Variants in RYR2 observed in about 807,000 individuals in gnomAD.
The protein encoded by RYR2 is cardiac muscle ryanodine receptor-calcium release channel.
RYR2 carries 227 observed loss-of-function variants against 601.1 expected under a neutral mutation model. The ratio of observed to expected loss-of-function variants is 0.38; its 90% confidence interval spans 0.34 to 0.42. The LOEUF is 0.42. Among genes scored for constraint, RYR2 ranks in the 10% least tolerant of loss-of-function variants. RYR2 has a pLI of 1.00. For missense variants in RYR2, 4,646 were observed against 6,156.5 expected (o/e 0.75, Z 8.21); for synonymous variants, 2,223 against 2,175.1 (o/e 1.02, Z -0.61).
At chr1:237,720,897 T>C (rs1689664233) in intron 73 of RYR2, among the ~76,000 whole-genome samples, 1 of 152,190 alleles carries the variant, frequency 6.6e-6, no homozygotes, top group Non-Finnish European at 1.5e-5. Context: ...GATGACGTAT[T>C]CAGGAGACAG....
intron 2 of RYR2, among the ~76,000 whole-genome samples, chr1:237,282,155 C>T (rs1386099204): frequency 1.3e-5 from 2 of 150,688 alleles, no homozygotes; most frequent in Non-Finnish European, 2.9e-5. Flanking sequence ...GAACACACTG[C>T]AGCAAATGAA....
At chr1:237,220,357 T>A (rs1683675332) in intron 1 of RYR2, among the ~76,000 whole-genome samples, 1 of 152,314 alleles carries the variant, frequency 6.6e-6, no homozygotes, top group African/African-American at 2.4e-5. Context: ...CCGGGACTTT[T>A]ACCAGTGGCC....
chr1:237,801,289 G>A lies in RYR2; in HGVS notation c.14091-567G>A, dbSNP rs544886209. ...TGCATGCATGTAATCCCAGCACTTC[G>A]GGAGGCCAAAGCGGACAGATCCCCT... On this transcript the variant is annotated intron_variant, in intron 97 of 104. Transcript: ENST00000366574. Among the ~76,000 whole-genome samples, 20 of 150,208 alleles carry A rather than the reference G, an allele frequency of 1.3e-4. No individual in the cohort carries two copies. The South Asian group carries it at 3.6e-3, about 27-fold the overall frequency.
chr1:237,552,904 A>G (rs1432558099), intron 27 of RYR2, among the ~76,000 whole-genome samples: 1 of 151,938 alleles, frequency 6.6e-6, no homozygotes, highest in Non-Finnish European at 1.5e-5. Flanking sequence ...CTTAGACTAA[A>G]TATTTAGGAG....
chr1:237,225,217 T>C (rs981566000), intron 1 of RYR2, among the ~76,000 whole-genome samples: 3 of 152,142 alleles, frequency 2.0e-5, no homozygotes, highest in Non-Finnish European at 4.4e-5. Flanking sequence ...AAGATTAAAA[T>C]ATCAAATTTA....
At chr1:237,214,506 A>G (rs569257030) in intron 1 of RYR2, among the ~76,000 whole-genome samples, 1 of 152,158 alleles carries the variant, frequency 6.6e-6, no homozygotes, top group African/African-American at 2.4e-5. Flanking sequence ...GCTCTTTAAC[A>G]GTCAGCTCTC....
chr1:237,545,123 G>A (rs754515104), intron 25 of RYR2, among the ~76,000 whole-genome samples: 36 of 152,160 alleles, frequency 2.4e-4, no homozygotes, highest in Non-Finnish European at 8.8e-5. Flanking sequence ...ACAAATTATT[G>A]GGCTACTTAA....
rs950537885 is a variant in RYR2 at position 237,782,635 on chromosome 1, C to T, written c.11962+989C>T. Among the ~76,000 whole-genome samples the T allele has an allele frequency of 2.0e-5, 3 of 152,066 alleles. No individual in the cohort carries two copies. In the South Asian group the frequency reaches 6.2e-4, roughly 31 times the overall value. ...CATTTTTCCATGCATGGCCCCGATTCGAATTTTGGGTTAAATACTAACAAA... is the reference window on the plus strand; with the variant it reads ...CATTTTTCCATGCATGGCCCCGATTTGAATTTTGGGTTAAATACTAACAAA... On this transcript the variant is annotated intron_variant, in intron 89 of 104. Transcript: ENST00000366574.
intron 3 of RYR2, among the ~76,000 whole-genome samples, chr1:237,341,867 T>A (rs1317349482): frequency 1.3e-5 from 2 of 152,176 alleles, no homozygotes; most frequent in Non-Finnish European, 2.9e-5. Flanking sequence ...AATAACCTTT[T>A]GGGTTCGGTA....
intron 16 of RYR2, among the ~76,000 whole-genome samples, chr1:237,461,712 ACT>A (rs1385032289): frequency 6.6e-6 from 1 of 151,966 alleles, no homozygotes; most frequent in Non-Finnish European, 1.5e-5. Flanking sequence ...AACTGAATGT[ACT>A]AATTACAGTT....
intron 13 of RYR2, among the ~76,000 whole-genome samples, chr1:237,444,301 A>G (rs1038119360): frequency 1.3e-5 from 2 of 152,164 alleles, no homozygotes; most frequent in African/African-American, 4.8e-5. Flanking sequence ...TTTTTAGGAC[A>G]TGAAAACCGC....
chr1:237,491,195 C>T (rs1473762328), intron 17 of RYR2, among the ~76,000 whole-genome samples: 1 of 152,116 alleles, frequency 6.6e-6, no homozygotes, highest in African/African-American at 2.4e-5. Flanking sequence ...CCGTTTTATA[C>T]ATTGTGTTAT....
rs1379190155 is a variant in RYR2, at chr1:237,566,707, C to T, written c.3355C>T (p.Arg1119Cys). The change falls in exon 28 of 105, where the codon CGT (arginine) becomes TGT (cysteine). Residue 1119 changes from arginine (R) to cysteine (C), a missense_variant. Coordinates refer to ENST00000366574, the MANE Select transcript of RYR2 (RefSeq NM_001035.3). Reference protein sequence around the residue: ...TAGDMRVGWSRPGCQPDQELG... With the variant: ...TAGDMRVGWSCPGCQPDQELG... The stretch of plus-strand genomic sequence containing the variant: ...TGGAGACATGAGGGTTGGTTGGAGT[C>T]GTCCTGGTTGTCAACCGGATCAGGA... 7 of 1,613,900 alleles carry T rather than the reference C, an allele frequency of 4.3e-6. No homozygotes were observed. The highest frequency in any genetic ancestry group is 2.2e-5 in the East Asian group (1 of 44,870).
At chr1:237,367,861 T>A (rs1367556727) in intron 5 of RYR2, among the ~76,000 whole-genome samples, 1 of 152,204 alleles carries the variant, frequency 6.6e-6, no homozygotes, top group Non-Finnish European at 1.5e-5. Flanking sequence ...ATATCCAGTT[T>A]TTCATTTGAC....
intron 100 of RYR2, among the ~76,000 whole-genome samples, chr1:237,817,482 A>C (rs1213099373): frequency 2.0e-5 from 3 of 152,186 alleles, no homozygotes; most frequent in Admixed American, 1.3e-4. Context: ...CAGAGTAATA[A>C]CCAAAGCATT....
At chr1:237,705,468 A>G in intron 67 of RYR2, 125 bp downstream of exon 67, 2 of 797,762 alleles carry the variant, frequency 2.5e-6, no homozygotes, top group Non-Finnish European at 3.9e-6. Context: ...TTGTTCTTAA[A>G]TGTTATTGTT....
intron 73 of RYR2, among the ~76,000 whole-genome samples, chr1:237,721,249 GTCC>G (rs201457450): frequency 0.041 from 6,295 of 152,230 alleles, 197 homozygotes; most frequent in Admixed American, 0.062. Flanking sequence ...ATCAAACATA[GTCC>G]TCAGACTTAA....
intron 1 of RYR2, among the ~76,000 whole-genome samples, chr1:237,255,765 C>T (rs1013846824): frequency 1.4e-4 from 22 of 151,948 alleles, no homozygotes; most frequent in South Asian, 2.1e-4. Flanking sequence ...GATTGGCACT[C>T]GATTGATTGC....
chr1:237,351,854 C>CAAAAAAAAAAAAAAAAAAAAAAAAAAAAA (rs33955032), intron 3 of RYR2, among the ~76,000 whole-genome samples: 5 of 40,930 alleles, frequency 1.2e-4, no homozygotes, highest in African/African-American at 2.6e-4. Flanking sequence ...AAAGACCATG[C>CAAAAAAAAAAAAAAAAAAAAAAAAAAAAA]AAAAAAAAAA....
Sources: allele counts gnomAD v4.1 joint callset (sites outside exome capture counted in the v4.1 genomes callset), GRCh38; gene constraint gnomAD v4.1.1; transcripts MANE v1.5; gene names NCBI Gene and HGNC (gene_info 2026-07-23, HGNC 2026-07-21).